The following ZNF343 variants were observed in gnomAD, a reference collection of about 807,000 sequenced individuals.
ZNF343 encodes zinc finger protein 343.
In ZNF343, 11 loss-of-function variants were observed where a neutral mutation model predicts 13.8. That is an observed-to-expected ratio of 0.80 (90% CI 0.50 to 1.32). The LOEUF (loss-of-function observed/expected upper bound fraction) is 1.32, where lower values mean the gene tolerates loss of function less well. Ranked by LOEUF, ZNF343 falls within the 40% of genes most tolerant of loss-of-function variation. ZNF343 has a pLI of 0.00. For missense variants in ZNF343, 658 were observed against 714.2 expected (o/e 0.92, Z 0.90); for synonymous variants, 248 against 260.0 (o/e 0.95, Z 0.44).
At position 2,483,375 on chromosome 20, in the gene ZNF343, C is replaced by T. The variant is rs1230449210; in HGVS notation, c.1586G>A (p.Gly529Asp). Reference protein sequence around the residue: ...KPYICRECGRGFCDKSTLIVH... With the variant: ...KPYICRECGRDFCDKSTLIVH... ...AATGAGGGTTGACTTGTCACAAAAG[C>T]CTCGCCCACATTCCCTGCAAATATA... Residue 529 changes from glycine (G) to aspartate (D), a missense_variant, in exon 6 of 6, where the codon GGC becomes GAC. Transcript: ENST00000278772. 1.2e-6 allele frequency: 2 copies of T among 1,612,734 alleles called. No individual in the cohort carries two copies. The highest frequency in any genetic ancestry group is 1.7e-6 in the Non-Finnish European group (2 of 1,179,778).
chr20:2,505,045 T>C (rs2122711221), intron 1 of ZNF343, among the ~76,000 whole-genome samples: 1 of 152,308 alleles, frequency 6.6e-6, no homozygotes. Context: ...CTTGTATATC[T>C]AGAAAAGCCC....
chr20:2,520,764 G>A (rs1011666300), intron 1 of ZNF343, among the ~76,000 whole-genome samples: 1 of 152,328 alleles, frequency 6.6e-6, no homozygotes, highest in African/African-American at 2.4e-5. Context: ...CTTCTACGCC[G>A]AAAAGTGGTG....
At chr20:2,519,632 C>T (rs2085774254) in intron 1 of ZNF343, among the ~76,000 whole-genome samples, 1 of 152,188 alleles carries the variant, frequency 6.6e-6, no homozygotes, top group Non-Finnish European at 1.5e-5. Context: ...TCTATTGGTT[C>T]TGTTTCTCTG....
chr20:2,514,279 A>G (rs1409379537), intron 1 of ZNF343, among the ~76,000 whole-genome samples: 1 of 152,234 alleles, frequency 6.6e-6, no homozygotes, highest in Non-Finnish European at 1.5e-5. Flanking sequence ...TCACCTTTAT[A>G]TGAGCTAAAA....
At chr20:2,485,598 G>C (rs935197567) in intron 5 of ZNF343, among the ~76,000 whole-genome samples, 1 of 152,130 alleles carries the variant, frequency 6.6e-6, no homozygotes, top group African/African-American at 2.4e-5. Context: ...TCATGAAACT[G>C]CTCCCTAACA....
intron 1 of ZNF343, among the ~76,000 whole-genome samples, chr20:2,514,682 G>C (rs2085751488): frequency 6.6e-6 from 1 of 152,072 alleles, no homozygotes; most frequent in African/African-American, 2.4e-5. Flanking sequence ...TGTGTTTAAT[G>C]AATTAGAAGC....
In ZNF343 at chr20:2,482,809, AC is replaced by A; in HGVS notation, c.*351del. ...TCCATTCTTTTACTGATGCTCCCCA[AC>A]ACTCCCCAGACAAGGGTGCTTTCCC... On this transcript the variant is annotated 3_prime_UTR_variant, in exon 6 of 6. Coordinates refer to ENST00000278772, the MANE Select transcript of ZNF343 (RefSeq NM_024325.6). 1 of 255,662 alleles carries A rather than the reference AC, an allele frequency of 3.9e-6. No individual in the cohort carries two copies. The highest frequency in any genetic ancestry group is 2.2e-5 in the African/African-American group (1 of 45,612). The allele number at this position is 255,662 out of a possible 1,614,324, so 15.8% of individuals were successfully genotyped here.
upstream of ZNF343, among the ~76,000 whole-genome samples, chr20:2,511,267 C>T (rs933442482): frequency 6.6e-6 from 1 of 152,046 alleles, no homozygotes; most frequent in South Asian, 2.1e-4. Flanking sequence ...TGCCACCACA[C>T]CTGGCAATAT....
chr20:2,523,365 G>T (rs2085790573), intron 1 of ZNF343, among the ~76,000 whole-genome samples: 1 of 151,724 alleles, frequency 6.6e-6, no homozygotes, highest in South Asian at 2.1e-4. Flanking sequence ...CCATGCCACT[G>T]CTATGCCTAT....
Position 2,484,227 on chromosome 20 carries a change from T to A in ZNF343, c.734A>T (p.Glu245Val), listed in dbSNP as rs540871822. ...TLRFGAINCR[E>V]YEPDHNLESN... is the part of the protein sequence containing the mutation. ...TTCCAGGTTATGGTCCGGTTCATAC[T>A]CTCTACAGTTGATTGCTCCAAATCT... The change falls in exon 6 of 6, where the codon GAG (glutamate) becomes GTG (valine). Residue 245 changes from glutamate (E) to valine (V), a missense_variant. Glu to Val is a moderately radical substitution (Grantham distance 121). Coordinates refer to ENST00000278772, the MANE Select transcript of ZNF343 (RefSeq NM_024325.6). 2.2e-5 allele frequency: 35 copies of A among 1,614,232 alleles called. No homozygotes were observed. The East Asian group carries it at 5.3e-4, about 25-fold the overall frequency.
rs754106908 is a variant in ZNF343 at position 2,483,446 on chromosome 20, C to T, written c.1515G>A (p.Lys505=). Residue 505 remains lysine (K), a synonymous_variant, in exon 6 of 6, where the codon AAG becomes AAA. Coordinates refer to ENST00000278772, the MANE Select transcript of ZNF343 (RefSeq NM_024325.6). ...TCCTCTGGTGTCTGATGAGATTTGACTTCTGGCTAAAACCTCGCCTACACT... is the reference window on the plus strand; with the variant it reads ...TCCTCTGGTGTCTGATGAGATTTGATTTCTGGCTAAAACCTCGCCTACACT... ...CRECRRGFSQ[K]SNLIRHQRTH... 3.7e-6 allele frequency: 6 copies of T among 1,605,198 alleles called. No individual in the cohort carries two copies. Among genetic ancestry groups the T allele is most frequent in the Non-Finnish European group, 5.1e-6 (6 of 1,177,494 alleles).
chr20:2,521,071 C>T (rs1309255700), intron 1 of ZNF343, among the ~76,000 whole-genome samples: 1 of 152,158 alleles, frequency 6.6e-6, no homozygotes, highest in Non-Finnish European at 1.5e-5. Flanking sequence ...GCCTTTGGGA[C>T]AAGTGGTGAG....
intron 1 of ZNF343, among the ~76,000 whole-genome samples, chr20:2,516,937 A>C (rs2085761967): frequency 6.6e-6 from 1 of 152,160 alleles, no homozygotes; most frequent in Admixed American, 6.5e-5. Flanking sequence ...GATTAGTGTC[A>C]CTGTCACGGT....
chr20:2,520,386 A>C (rs1458806489), intron 1 of ZNF343, among the ~76,000 whole-genome samples: 1 of 152,112 alleles, frequency 6.6e-6, no homozygotes, highest in Non-Finnish European at 1.5e-5. Flanking sequence ...TAATCCCAGC[A>C]CTTTAGGAGG....
intron 5 of ZNF343, among the ~76,000 whole-genome samples, chr20:2,486,326 A>T (rs1356466286): frequency 6.6e-6 from 1 of 152,196 alleles, no homozygotes; most frequent in African/African-American, 2.4e-5. Context: ...ATTTCACTAA[A>T]GATAATTTAG....
intron 3 of ZNF343, 97 bp downstream of exon 3, chr20:2,493,681 T>C: frequency 7.9e-7 from 1 of 1,262,884 alleles, no homozygotes; most frequent in Non-Finnish European, 1.1e-6. Flanking sequence ...ATGAAGGAAG[T>C]AGTCACTTAA....
chr20:2,516,183 G>A (rs954230550), intron 1 of ZNF343, among the ~76,000 whole-genome samples: 10 of 152,010 alleles, frequency 6.6e-5, no homozygotes, highest in South Asian at 2.1e-4. Context: ...GATGAGAGTC[G>A]GGGTCACAGA....
At chr20:2,493,305 G>T (rs1202348167) in intron 4 of ZNF343, among the ~76,000 whole-genome samples, 1 of 152,106 alleles carries the variant, frequency 6.6e-6, no homozygotes, top group African/African-American at 2.4e-5. Flanking sequence ...GGTCTGGAAT[G>T]AGCATTTTTT....
chr20:2,516,607 A>T (rs1421185660), intron 1 of ZNF343, among the ~76,000 whole-genome samples: 1 of 152,054 alleles, frequency 6.6e-6, no homozygotes, highest in Non-Finnish European at 1.5e-5. Flanking sequence ...AACAGTGATG[A>T]TGAGGGTCTG....
Sources: gnomAD v4.1 joint callset for allele counts (sites outside exome capture counted in the v4.1 genomes callset) on GRCh38, gnomAD v4.1.1 for gene constraint, MANE v1.5 for transcripts, NCBI Gene and HGNC (gene_info 2026-07-23, HGNC 2026-07-21) for gene names.